TMEM117: variants seen among roughly 807,000 people sequenced by gnomAD.
TMEM117 encodes the protein transmembrane protein 117.
TMEM117 carries 27 observed loss-of-function variants against 52.4 expected under a neutral mutation model. The observed-to-expected ratio is 0.51, with a 90% CI of 0.38 to 0.71. TMEM117 has a LOEUF of 0.71. Ranked by LOEUF, TMEM117 falls within the 30% of genes least tolerant of loss-of-function variation. TMEM117 has a pLI of 0.00. For synonymous variants in TMEM117, 215 were observed against 206.3 expected, an observed-to-expected ratio of 1.04 and a Z score of -0.36; for missense variants, 556 against 630.5, an observed-to-expected ratio of 0.88 and a Z score of 1.26.
chr12:44,312,666 T>G (rs1467118572), intron 6 of TMEM117, among the ~76,000 whole-genome samples: 3 of 152,230 alleles, frequency 2.0e-5, no homozygotes, highest in African/African-American at 7.2e-5. Context: ...TAGTTCTGTT[T>G]AAGTTCCTTG....
chr12:43,950,750 C>G (rs1945207328), intron 3 of TMEM117, among the ~76,000 whole-genome samples: 1 of 152,092 alleles, frequency 6.6e-6, no homozygotes, highest in Non-Finnish European at 1.5e-5. Context: ...AAATATTTTC[C>G]TCAGTATTTT....
chr12:44,299,085 T>C (rs1373493089), intron 5 of TMEM117, among the ~76,000 whole-genome samples: 3 of 150,412 alleles, frequency 2.0e-5, no homozygotes, highest in Admixed American at 2.0e-4. Flanking sequence ...AATTATTATC[T>C]TAATGTTCTT....
At chr12:43,953,212 A>G (rs993090115) in intron 3 of TMEM117, among the ~76,000 whole-genome samples, 3 of 152,190 alleles carry the variant, frequency 2.0e-5, no homozygotes, top group African/African-American at 7.2e-5. Flanking sequence ...AAGTACACAG[A>G]CCAATGACAC....
chr12:44,083,672 G>A (rs1947521818), intron 3 of TMEM117: 1 of 151,936 alleles, frequency 6.6e-6, no homozygotes, highest in Non-Finnish European at 1.5e-5. Flanking sequence ...CTAAAGCCCT[G>A]GGATTACAGG....
chr12:44,265,211 T>C (rs1183226803), intron 5 of TMEM117, among the ~76,000 whole-genome samples: 1 of 152,130 alleles, frequency 6.6e-6, no homozygotes, highest in Non-Finnish European at 1.5e-5. Context: ...ATCCAAAGGC[T>C]GCACAGCAGA....
chr12:43,865,401 A>T (rs1342587130), intron 2 of TMEM117, among the ~76,000 whole-genome samples: 1 of 152,130 alleles, frequency 6.6e-6, no homozygotes. Flanking sequence ...GTGGGCAAAA[A>T]CTAATGTAGA....
intron 4 of TMEM117, among the ~76,000 whole-genome samples, chr12:44,153,485 A>G (rs1948784255): frequency 6.6e-6 from 1 of 151,980 alleles, no homozygotes; most frequent in African/African-American, 2.4e-5. Context: ...ATTTTTAGGC[A>G]CGAAATGATA....
At chr12:44,259,099 C>T (rs1646972168) in intron 5 of TMEM117, among the ~76,000 whole-genome samples, 1 of 152,072 alleles carries the variant, frequency 6.6e-6, no homozygotes, top group Non-Finnish European at 1.5e-5. Context: ...TCTGTTATCC[C>T]TTTAGCATTT....
chr12:44,333,176 T>G (rs1247023358), intron 6 of TMEM117, among the ~76,000 whole-genome samples: 1 of 152,010 alleles, frequency 6.6e-6, no homozygotes, highest in Non-Finnish European at 1.5e-5. Context: ...GTGCCTTTGA[T>G]CAACAGCTCC....
chr12:44,164,565 A>G (rs572076852), intron 4 of TMEM117, among the ~76,000 whole-genome samples: 15 of 152,188 alleles, frequency 9.9e-5, no homozygotes, highest in Non-Finnish European at 2.1e-4. Flanking sequence ...AGGGGCTGGA[A>G]AAAAAACCCT....
chr12:43,939,988 C>T lies in TMEM117; in HGVS notation c.278-4222C>T, dbSNP rs533736695. On this transcript the variant is annotated intron_variant, in intron 2 of 7. Coordinates refer to ENST00000266534, the MANE Select transcript of TMEM117 (RefSeq NM_032256.3). ...CAGCTCTCATGAGACTTATTCACTACCACAAGAACAGCACAGGAAAGATTC... is the reference window on the plus strand; with the variant it reads ...CAGCTCTCATGAGACTTATTCACTATCACAAGAACAGCACAGGAAAGATTC... 4.8e-3 allele frequency among the ~76,000 whole-genome samples: 737 copies of T among 152,246 alleles called. 5 individuals are homozygous for T. Among genetic ancestry groups the T allele is most frequent in the Middle Eastern group, 0.017 (5 of 294 alleles).
At chr12:43,991,908 A>C (rs147628338) in intron 3 of TMEM117, among the ~76,000 whole-genome samples, 1 of 152,232 alleles carries the variant, frequency 6.6e-6, no homozygotes, top group Non-Finnish European at 1.5e-5. Flanking sequence ...ACTGAACTTA[A>C]TGCAAGTTTG....
At chr12:44,005,002 CT>C (rs757238151) in intron 3 of TMEM117, among the ~76,000 whole-genome samples, 2 of 152,130 alleles carry the variant, frequency 1.3e-5, no homozygotes, top group Non-Finnish European at 2.9e-5. Context: ...GTAGACAAAG[CT>C]TATTTTCTAA....
At chr12:44,165,255 C>T (rs73099012) in intron 4 of TMEM117, among the ~76,000 whole-genome samples, 6,488 of 152,102 alleles carry the variant, frequency 0.043, 163 homozygotes, top group Middle Eastern at 0.15. Context: ...TCAAATGTTA[C>T]CACTACAGAA....
chr12:44,212,064 A>G (rs1949653134), intron 5 of TMEM117, among the ~76,000 whole-genome samples: 1 of 152,224 alleles, frequency 6.6e-6, no homozygotes, highest in Admixed American at 6.5e-5. Context: ...AAAGTTATGT[A>G]AACTAACACT....
intron 5 of TMEM117, among the ~76,000 whole-genome samples, chr12:44,212,714 T>C (rs1175570883): frequency 6.6e-6 from 1 of 152,140 alleles, no homozygotes; most frequent in Non-Finnish European, 1.5e-5. Context: ...TATAGCTGGC[T>C]CTGATGTATA....
intron 4 of TMEM117, among the ~76,000 whole-genome samples, chr12:44,205,858 C>A (rs542854343): frequency 1.3e-5 from 2 of 152,286 alleles, no homozygotes; most frequent in Admixed American, 1.3e-4. Flanking sequence ...TTGGAGATTT[C>A]ACAAAGAACT....
chr12:44,300,247 C>T (rs74084480), intron 6 of TMEM117, among the ~76,000 whole-genome samples: 1 of 152,302 alleles, frequency 6.6e-6, no homozygotes, highest in African/African-American at 2.4e-5. Context: ...TTCATGTAAA[C>T]CATATTTCTG....
chr12:44,193,680 A>G (rs1949383924), intron 4 of TMEM117, among the ~76,000 whole-genome samples: 1 of 152,222 alleles, frequency 6.6e-6, no homozygotes, highest in African/African-American at 2.4e-5. Flanking sequence ...AGGAAAACAT[A>G]AAGTATCCCC....
Sources: allele counts gnomAD v4.1 joint callset (sites outside exome capture counted in the v4.1 genomes callset), GRCh38; gene constraint gnomAD v4.1.1; transcripts MANE v1.5; gene names NCBI Gene and HGNC (gene_info 2026-07-23, HGNC 2026-07-21).